The following HHAT variants were observed in gnomAD, a reference collection of about 807,000 sequenced individuals.
HHAT encodes the protein protein-cysteine N-palmitoyltransferase HHAT.
Under a neutral mutation model 70.8 loss-of-function variants are expected in HHAT, and 47 were observed. The ratio of observed to expected loss-of-function variants is 0.66; its 90% CI spans 0.53 to 0.85. The LOEUF (loss-of-function observed/expected upper bound fraction) is 0.85, where lower values mean the gene tolerates loss of function less well. HHAT is among the 40% of genes least tolerant of loss of function. The probability of loss-of-function intolerance (pLI) is 0.00; values close to 1 mark genes in which losing one functional copy is unlikely to be tolerated. For synonymous variants in HHAT, 228 were observed against 247.6 expected (o/e 0.92, Z 0.74); for missense variants, 609 against 604.8 (o/e 1.01, Z -0.07).
At chr1:210,625,939 G>A (rs1263528927) in intron 11 of HHAT, among the ~76,000 whole-genome samples, 1 of 152,218 alleles carries the variant, frequency 6.6e-6, no homozygotes, top group East Asian at 1.9e-4. Flanking sequence ...GGGCAGGGGT[G>A]TGTAGGGAAG....
At chr1:210,418,850 A>C (rs4845019) in intron 7 of HHAT, among the ~76,000 whole-genome samples, 52 of 151,900 alleles carry the variant, frequency 3.4e-4, no homozygotes, top group Non-Finnish European at 6.3e-4. Context: ...CTGGCCAAGA[A>C]GGTGAAATCA....
intron 4 of HHAT, among the ~76,000 whole-genome samples, chr1:210,389,183 G>A (rs552061359): frequency 1.3e-4 from 19 of 143,964 alleles, no homozygotes; most frequent in African/African-American, 4.7e-4. Flanking sequence ...TCATAAAACT[G>A]AGTAATTTTA....
intron 10 of HHAT, chr1:210,589,267 T>C (rs1253721378): frequency 1.3e-5 from 2 of 152,240 alleles, no homozygotes; most frequent in Non-Finnish European, 2.9e-5. Flanking sequence ...TGGACAGTTA[T>C]TTCAATAAAA....
At chr1:210,338,616 C>A (rs149957576) in intron 1 of HHAT, among the ~76,000 whole-genome samples, 1 of 152,120 alleles carries the variant, frequency 6.6e-6, no homozygotes, top group South Asian at 2.1e-4. Flanking sequence ...TTCTGAGGTT[C>A]GCTATTACTG....
At chr1:210,370,610 ATTTTTT>A (rs10664778) in intron 3 of HHAT, among the ~76,000 whole-genome samples, 2 of 98,344 alleles carry the variant, frequency 2.0e-5, no homozygotes, top group Admixed American at 1.4e-4. Context: ...TGCAGATGCT[ATTTTTT>A]TTTTTTTTTT....
At chr1:210,415,350 G>A (rs1367941113) in intron 6 of HHAT, among the ~76,000 whole-genome samples, 2 of 152,186 alleles carry the variant, frequency 1.3e-5, no homozygotes. Flanking sequence ...CTCAGAGCAT[G>A]CATGCTTGAG....
intron 8 of HHAT, among the ~76,000 whole-genome samples, chr1:210,502,143 G>C (rs1390221243): frequency 7.3e-5 from 11 of 151,676 alleles, no homozygotes; most frequent in Non-Finnish European, 1.5e-4. Flanking sequence ...CCAGCAGTTT[G>C]GGAGGCCGAG....
chr1:210,404,376 G>T, intron 5 of HHAT, 88 bp from the exon 6 acceptor site: 2 of 963,640 alleles, frequency 2.1e-6, no homozygotes, highest in Non-Finnish European at 3.2e-6. Flanking sequence ...CTCAGATGAC[G>T]GTGGCCCTGC....
intron 10 of HHAT, among the ~76,000 whole-genome samples, chr1:210,597,285 A>G (rs1023583978): frequency 6.6e-6 from 1 of 152,208 alleles, no homozygotes; most frequent in Non-Finnish European, 1.5e-5. Context: ...ACCTGAAGCT[A>G]GCACAGTACT....
At chr1:210,660,063 G>C (rs1677314253) in intron 11 of HHAT, among the ~76,000 whole-genome samples, 1 of 152,114 alleles carries the variant, frequency 6.6e-6, no homozygotes, top group Admixed American at 6.5e-5. Flanking sequence ...TGGAAGTTCT[G>C]GCCAGGGCAA....
chr1:210,531,240 C>G (rs894177760), intron 9 of HHAT, among the ~76,000 whole-genome samples: 3 of 151,920 alleles, frequency 2.0e-5, no homozygotes, highest in African/African-American at 7.3e-5. Flanking sequence ...TATATGCAGT[C>G]TGTTGTTGAC....
chr1:210,481,763 G>A lies in HHAT; in HGVS notation c.1007+17108G>A, dbSNP rs112946061. Among the ~76,000 whole-genome samples, 1,004 of 152,316 alleles carry A rather than the reference G, an allele frequency of 6.6e-3. 13 individuals are homozygous for A. Among genetic ancestry groups the A allele is most frequent in the African/African-American group, 0.023 (945 of 41,558 alleles). The stretch of plus-strand genomic sequence containing the variant: ...AAATAAATTTTAGTGAGGTGAATTT[G>A]CAAATACACAATTTGTGAATAATGA... On this transcript the variant is annotated intron_variant, in intron 8 of 11. Coordinates refer to ENST00000261458, the MANE Select transcript of HHAT (RefSeq NM_018194.6).
Position 210,349,205 on chromosome 1 carries a change from A to G in HHAT, c.91+139A>G. The G allele has an allele frequency of 5.6e-6, 5 of 896,810 alleles. No individual in the cohort carries two copies. The South Asian group carries it at 8.9e-5, about 16-fold the overall frequency. 55.6% of individuals were successfully genotyped at this position (896,810 alleles called of 1,614,324 possible). On this transcript the variant is annotated intron_variant, in intron 2 of 11. Transcript: ENST00000261458. ...CTTGATTTGCTTCCCCATGTCTTGG[A>G]TAGTTTGAATCAGTGACCTGAGTCC...
chr1:210,510,241 C>T (rs981486055), intron 8 of HHAT, among the ~76,000 whole-genome samples: 3 of 152,108 alleles, frequency 2.0e-5, no homozygotes, highest in Non-Finnish European at 4.4e-5. Flanking sequence ...GGCTGGCCAC[C>T]ATTTCTATGA....
At chr1:210,476,653 G>T (rs1447962229) in intron 8 of HHAT, among the ~76,000 whole-genome samples, 1 of 152,152 alleles carries the variant, frequency 6.6e-6, no homozygotes, top group Non-Finnish European at 1.5e-5. Context: ...ACTTCCGGAG[G>T]CCAGGGACTG....
At chr1:210,386,269 C>G (rs1276857848) in intron 3 of HHAT, among the ~76,000 whole-genome samples, 1 of 73,686 alleles carries the variant, frequency 1.4e-5, no homozygotes, top group Non-Finnish European at 2.6e-5. Flanking sequence ...GACAGAGTCT[C>G]GCTCTGTCGC....
intron 9 of HHAT, among the ~76,000 whole-genome samples, chr1:210,524,697 G>A (rs1216766618): frequency 6.6e-6 from 1 of 152,142 alleles, no homozygotes; most frequent in Non-Finnish European, 1.5e-5. Context: ...ACAGACTTAG[G>A]TGGGAATCTA....
intron 9 of HHAT, among the ~76,000 whole-genome samples, chr1:210,532,909 G>T (rs373392336): frequency 5.9e-5 from 9 of 152,278 alleles, no homozygotes; most frequent in African/African-American, 2.2e-4. Flanking sequence ...CATTCTTAAG[G>T]ACAATATTTA....
At chr1:210,551,732 A>C (rs1009331362) in intron 9 of HHAT, among the ~76,000 whole-genome samples, 2 of 152,226 alleles carry the variant, frequency 1.3e-5, no homozygotes, top group African/African-American at 4.8e-5. Flanking sequence ...AACAAATTGG[A>C]TTATCAGCTC....
Sources: gnomAD v4.1 joint callset for allele counts (sites outside exome capture counted in the v4.1 genomes callset) on GRCh38, gnomAD v4.1.1 for gene constraint, MANE v1.5 for transcripts, NCBI Gene and HGNC (gene_info 2026-07-23, HGNC 2026-07-21) for gene names.